Variants in TCF7L2 observed in about 807,000 individuals in gnomAD.
TCF7L2 encodes the protein transcription factor 7 like 2.
TCF7L2 carries 23 observed loss-of-function variants against 77.9 expected under a neutral mutation model. The observed-to-expected ratio is 0.30, with a 90% CI of 0.21 to 0.42. TCF7L2 has a LOEUF of 0.42. Among genes scored for constraint, TCF7L2 ranks in the 10% least tolerant of loss-of-function variants. TCF7L2 has a pLI of 1.00. For synonymous variants in TCF7L2, 413 were observed against 340.2 expected (o/e 1.21, Z -2.36); for missense variants, 654 against 793.1 (o/e 0.82, Z 2.11).
intron 4 of TCF7L2, among the ~76,000 whole-genome samples, chr10:112,982,975 T>C (rs1369704329): frequency 6.6e-6 from 1 of 152,124 alleles, no homozygotes; most frequent in South Asian, 2.1e-4. Flanking sequence ...TGTTGTGATA[T>C]CATTTGTCTC....
In TCF7L2 at chr10:113,035,122, T is replaced by A. The variant is rs1180139684; in HGVS notation, c.451-4903T>A. Reference sequence around the variant, plus strand: ...TTCCATTCTGGAAAAGAGGGGGTAGTTATTTTGGTGAGATTGTGGTCTTGT... The same window carrying A: ...TTCCATTCTGGAAAAGAGGGGGTAGATATTTTGGTGAGATTGTGGTCTTGT... On this transcript the variant is annotated intron_variant, in intron 4 of 13. Transcript: ENST00000627217. Among the ~76,000 whole-genome samples, 5 of 152,288 alleles carry A rather than the reference T, an allele frequency of 3.3e-5. No individual in the cohort carries two copies. In the South Asian group the frequency reaches 6.2e-4, roughly 19 times the overall value.
intron 5 of TCF7L2, among the ~76,000 whole-genome samples, chr10:113,103,055 A>AT (rs1390143560): frequency 1.3e-5 from 2 of 152,038 alleles, no homozygotes; most frequent in African/African-American, 4.8e-5. Context: ...ATTTTTTCTC[A>AT]TTTTATAGAG....
chr10:113,154,203 A>C (rs2071366760), intron 11 of TCF7L2, among the ~76,000 whole-genome samples: 1 of 152,196 alleles, frequency 6.6e-6, no homozygotes, highest in Non-Finnish European at 1.5e-5. Context: ...GCTCTCCCAC[A>C]GGCTTGCTGT....
In TCF7L2 at chr10:113,014,937, C is replaced by G. The variant is rs142749961; in HGVS notation, c.451-25088C>G. Among the ~76,000 whole-genome samples, 155 of 152,304 alleles carry G rather than the reference C, an allele frequency of 1.0e-3. 1 individual carries two copies. Among genetic ancestry groups the G allele is most frequent in the African/African-American group, 3.4e-3 (140 of 41,576 alleles). On this transcript the variant is annotated intron_variant, in intron 4 of 13. Transcript: ENST00000627217. ...CTGTAGTGGCTCATGCCTATAATCCCAGCACGCTGGGAGGCCGAGGCAGGT... is the reference window on the plus strand; with the variant it reads ...CTGTAGTGGCTCATGCCTATAATCCGAGCACGCTGGGAGGCCGAGGCAGGT...
intron 5 of TCF7L2, among the ~76,000 whole-genome samples, chr10:113,045,801 T>A (rs2053341842): frequency 6.6e-6 from 1 of 152,230 alleles, no homozygotes. Context: ...TATCTATGAC[T>A]CAGCCAGACT....
chr10:113,115,148 A>G (rs950091816), intron 5 of TCF7L2, among the ~76,000 whole-genome samples: 1 of 152,176 alleles, frequency 6.6e-6, no homozygotes, highest in Non-Finnish European at 1.5e-5. Flanking sequence ...GTGTAAACCT[A>G]TTTTTTGCTG....
At chr10:112,970,752 A>T (rs2038065663) in intron 4 of TCF7L2, among the ~76,000 whole-genome samples, 1 of 152,058 alleles carries the variant, frequency 6.6e-6, no homozygotes, top group Non-Finnish European at 1.5e-5. Flanking sequence ...CACCCATCAC[A>T]AGTTCCCTGG....
intron 5 of TCF7L2, among the ~76,000 whole-genome samples, chr10:113,056,281 G>A (rs144904728): frequency 3.0e-4 from 45 of 152,334 alleles, no homozygotes; most frequent in Non-Finnish European, 5.9e-4. Flanking sequence ...CACAAAGCTC[G>A]TTGCTGAATA....
rs60051883 is a variant in TCF7L2, at chr10:113,016,063, A to AT, written c.451-23947dup. Among the ~76,000 whole-genome samples, 1,006 of 144,514 alleles carry AT rather than the reference A, an allele frequency of 7.0e-3. 15 individuals are homozygous for AT. The highest frequency in any genetic ancestry group is 0.033 in the Admixed American group (473 of 14,432). 94.8% of individuals were successfully genotyped at this position (144,514 alleles called of 152,430 possible). A position where few individuals can be genotyped will look rare whatever the true frequency, so the allele number is the denominator to read the frequency against. ...TGCTAGGCTAGGCCATGCTTGGTGT[A>AT]TTTTTTTTTTTTTTTAATTGAGACG... On this transcript the variant is annotated intron_variant, in intron 4 of 13. Transcript: ENST00000627217.
rs1377506125 is a variant in TCF7L2 at position 113,040,256 on chromosome 10, T to C, written c.552+130T>C. On this transcript the variant is annotated intron_variant, in intron 5 of 13. Transcript: ENST00000627217. ...AACACATTTTCTTTGGAAATATTGTTGGGTATAGTTTATATCTATAAGGTA... is the reference window on the plus strand; with the variant it reads ...AACACATTTTCTTTGGAAATATTGTCGGGTATAGTTTATATCTATAAGGTA... The C allele has an allele frequency of 9.0e-6, 7 of 778,402 alleles. No homozygotes were observed. The Admixed American group carries it at 1.7e-4, about 19-fold the overall frequency. The allele number at this position is 778,402 out of a possible 1,614,324, so 48.2% of individuals were successfully genotyped here.
intron 2 of TCF7L2, 62 bp downstream of exon 2, chr10:112,951,335 G>A: frequency 1.0e-6 from 1 of 984,814 alleles, no homozygotes; most frequent in South Asian, 4.6e-5. Flanking sequence ...GCCGCCCCGC[G>A]CGCCCCGGCC....
chr10:113,128,726 G>A (rs2066067317), intron 5 of TCF7L2, among the ~76,000 whole-genome samples: 1 of 152,116 alleles, frequency 6.6e-6, no homozygotes, highest in South Asian at 2.1e-4. Context: ...TTTTCTGTCT[G>A]TAATCCCTCC....
intron 4 of TCF7L2, among the ~76,000 whole-genome samples, chr10:112,969,611 T>G (rs978249666): frequency 6.6e-6 from 1 of 152,172 alleles, no homozygotes; most frequent in African/African-American, 2.4e-5. Context: ...GGGCCAGTAG[T>G]TGTTAGGTAT....
chr10:113,028,904 C>G (rs1229310314), intron 4 of TCF7L2, among the ~76,000 whole-genome samples: 1 of 152,202 alleles, frequency 6.6e-6, no homozygotes, highest in African/African-American at 2.4e-5. Flanking sequence ...CTTTGTACCT[C>G]TCAAAGGTCA....
At chr10:113,046,557 A>G (rs1268191415) in intron 5 of TCF7L2, among the ~76,000 whole-genome samples, 1 of 152,186 alleles carries the variant, frequency 6.6e-6, no homozygotes, top group Non-Finnish European at 1.5e-5. Context: ...TGTCTTGACA[A>G]TTTGAAGGTA....
At chr10:112,969,237 TTA>T (rs1439573939) in intron 4 of TCF7L2, among the ~76,000 whole-genome samples, 1 of 152,196 alleles carries the variant, frequency 6.6e-6, no homozygotes, top group Non-Finnish European at 1.5e-5. Context: ...AAATGGAATC[TTA>T]TAGAATGTAC....
chr10:113,068,159 G>T (rs935390797), intron 5 of TCF7L2, among the ~76,000 whole-genome samples: 3 of 152,154 alleles, frequency 2.0e-5, no homozygotes, highest in African/African-American at 7.2e-5. Flanking sequence ...GATCACACGT[G>T]AAAACACTCT....
At chr10:113,011,883 G>A (rs2046517239) in intron 4 of TCF7L2, among the ~76,000 whole-genome samples, 3 of 151,430 alleles carry the variant, frequency 2.0e-5, no homozygotes, top group South Asian at 2.1e-4. Context: ...CTTGAGTATT[G>A]CTGTTGAGCA....
intron 13 of TCF7L2, among the ~76,000 whole-genome samples, chr10:113,160,912 G>T (rs1241030912): frequency 1.3e-5 from 2 of 152,028 alleles, no homozygotes; most frequent in African/African-American, 4.8e-5. Context: ...CAATATCCCT[G>T]GTGGCAGGAC....
Sources: gnomAD v4.1 joint callset for allele counts (sites outside exome capture counted in the v4.1 genomes callset) on GRCh38, gnomAD v4.1.1 for gene constraint, MANE v1.5 for transcripts, NCBI Gene and HGNC (gene_info 2026-07-23, HGNC 2026-07-21) for gene names.